Variants in PRELID2 observed in about 807,000 individuals in gnomAD.
PRELID2 encodes PRELI domain containing 2.
A neutral mutation model predicts 28.4 loss-of-function variants in PRELID2; 25 were observed. That is an observed-to-expected ratio of 0.88 (90% confidence interval 0.64 to 1.23). The LOEUF is 1.23. Ranked by LOEUF, PRELID2 falls within the 50% of genes most tolerant of loss-of-function variation. PRELID2 has a pLI of 0.00. For synonymous variants in PRELID2, 76 were observed against 71.6 expected, an observed-to-expected ratio of 1.06 and a Z score of -0.31; for missense variants, 201 against 214.4, an observed-to-expected ratio of 0.94 and a Z score of 0.39.
chr5:145,420,345 T>G, the PRELID2 span, among the ~76,000 whole-genome samples: 11 of 152,106 alleles, frequency 7.2e-5, no homozygotes, highest in Admixed American at 2.6e-4. Flanking sequence ...TTCACAATAT[T>G]GATTCTTCCT....
chr5:145,270,065 TATTAAAAGACTTATCAAC>T, the PRELID2 span, among the ~76,000 whole-genome samples: 1 of 151,670 alleles, frequency 6.6e-6, no homozygotes, highest in Non-Finnish European at 1.5e-5. Context: ...GAATGATTAC[TATTAAAAGACTTATCAAC>T]ATTAAATGTT....
At chr5:145,622,402 C>T (rs754385765) in intron 1 of PRELID2, among the ~76,000 whole-genome samples, 3 of 152,040 alleles carry the variant, frequency 2.0e-5, no homozygotes, top group Non-Finnish European at 4.4e-5. Flanking sequence ...TGAAAACTAA[C>T]AGACTTTAGC....
chr5:145,432,835 T>C, the PRELID2 span, among the ~76,000 whole-genome samples: 38 of 152,324 alleles, frequency 2.5e-4, no homozygotes, highest in South Asian at 2.1e-3. Flanking sequence ...TATAAATCTC[T>C]GAACCATGGA....
In PRELID2 at chr5:145,757,834, G is replaced by T. The variant is rs866852162; in HGVS notation, c.*2702C>A. On this transcript the variant is annotated 3_prime_UTR_variant, in exon 7 of 7. Coordinates refer to ENST00000683046, the MANE Select transcript of PRELID2 (RefSeq NM_205846.3). ...AGTAAATGAAAAAAAAAAAAAAAAA[G>T]ACCATAAAATTTCTAAGCCATATAT... Among the ~76,000 whole-genome samples the T allele has an allele frequency of 1.7e-4, 24 of 137,940 alleles. 1 individual carries two copies. The highest frequency in any genetic ancestry group is 7.6e-3 in the Middle Eastern group (2 of 262). 90.5% of individuals were successfully genotyped at this position (137,940 alleles called of 152,430 possible). A position where few individuals can be genotyped will look rare whatever the true frequency, so the allele number is the denominator to read the frequency against.
the PRELID2 span, among the ~76,000 whole-genome samples, chr5:145,353,312 A>G: frequency 6.6e-6 from 1 of 151,938 alleles, no homozygotes; most frequent in East Asian, 1.9e-4. Flanking sequence ...ACACACAAAA[A>G]ATCAGCTGGG....
At chr5:145,682,050 TA>T (rs2149689583) in intron 1 of PRELID2, among the ~76,000 whole-genome samples, 1 of 151,362 alleles carries the variant, frequency 6.6e-6, no homozygotes, top group Admixed American at 6.6e-5. Context: ...TTTAAAACCA[TA>T]ACTTGGAGAA....
chr5:145,570,929 C>G (rs1753009689), intron 1 of PRELID2, among the ~76,000 whole-genome samples: 1 of 152,214 alleles, frequency 6.6e-6, no homozygotes, highest in Non-Finnish European at 1.5e-5. Context: ...TACCACTCTT[C>G]CTTTAGCTTC....
the PRELID2 span, among the ~76,000 whole-genome samples, chr5:145,334,513 A>G: frequency 6.6e-5 from 10 of 152,200 alleles, no homozygotes; most frequent in African/African-American, 2.4e-4. Context: ...CATCCTTACA[A>G]TATCATTACA....
intron 1 of PRELID2, among the ~76,000 whole-genome samples, chr5:145,730,829 C>T (rs1173854927): frequency 6.6e-6 from 1 of 152,154 alleles, no homozygotes; most frequent in African/African-American, 2.4e-5. Context: ...TAAGATAAAC[C>T]CCCTCCAGCT....
At chr5:145,326,958 C>T in the PRELID2 span, among the ~76,000 whole-genome samples, 2 of 150,508 alleles carry the variant, frequency 1.3e-5, no homozygotes. Flanking sequence ...TGAGTTGGGT[C>T]GTAATCCCAA....
chr5:145,423,220 T>C, the PRELID2 span, among the ~76,000 whole-genome samples: 3 of 150,968 alleles, frequency 2.0e-5, no homozygotes, highest in African/African-American at 7.3e-5. Flanking sequence ...TGTCTTGGAG[T>C]TGCTCTTCTC....
At chr5:145,640,311 A>T (rs1373724614) in intron 1 of PRELID2, among the ~76,000 whole-genome samples, 2 of 150,852 alleles carry the variant, frequency 1.3e-5, no homozygotes, top group Non-Finnish European at 2.9e-5. Context: ...CGTCTCTACT[A>T]AAAAAATACA....
At chr5:145,538,848 G>A (rs1040292703) in intron 1 of PRELID2, among the ~76,000 whole-genome samples, 34 of 151,922 alleles carry the variant, frequency 2.2e-4, no homozygotes, top group African/African-American at 7.7e-4. Flanking sequence ...TTCAGTGAAT[G>A]AAGCAAATTT....
intron 3 of PRELID2, chr5:145,819,509 A>T (rs1282184532): frequency 2.6e-6 from 2 of 762,306 alleles, no homozygotes; most frequent in Non-Finnish European, 4.5e-6. Context: ...GAGGGTGTGG[A>T]GAACCTTATA....
the PRELID2 span, among the ~76,000 whole-genome samples, chr5:145,359,528 C>T: frequency 6.6e-6 from 1 of 152,170 alleles, no homozygotes; most frequent in Non-Finnish European, 1.5e-5. Context: ...TCAATTATGA[C>T]CACATGGTAG....
intron 5 of PRELID2, among the ~76,000 whole-genome samples, chr5:145,774,720 AG>A (rs754717797): frequency 5.9e-5 from 9 of 152,230 alleles, no homozygotes; most frequent in Non-Finnish European, 7.3e-5. Flanking sequence ...TAGGCCCAGC[AG>A]GGTAAACCAG....
At chr5:145,489,534 A>G (rs1418237884) in intron 1 of PRELID2, among the ~76,000 whole-genome samples, 14 of 152,198 alleles carry the variant, frequency 9.2e-5, no homozygotes, top group African/African-American at 4.8e-5. Context: ...AAGAGCCACA[A>G]TCAGTACCTG....
chr5:145,771,899 T>G (rs1168082680), intron 5 of PRELID2, among the ~76,000 whole-genome samples: 1 of 151,668 alleles, frequency 6.6e-6, no homozygotes, highest in African/African-American at 2.4e-5. Context: ...GGGAACTGCA[T>G]GGGAGGAAGG....
intron 1 of PRELID2, among the ~76,000 whole-genome samples, chr5:145,598,653 A>T (rs1479399208): frequency 1.3e-5 from 2 of 152,168 alleles, no homozygotes; most frequent in Admixed American, 6.6e-5. Flanking sequence ...ATTCAACAGA[A>T]ATGTAATGAG....
Sources: allele counts gnomAD v4.1 joint callset (sites outside exome capture counted in the v4.1 genomes callset), GRCh38; gene constraint gnomAD v4.1.1; transcripts MANE v1.5; gene names NCBI Gene and HGNC (gene_info 2026-07-23, HGNC 2026-07-21).